Variants in KCNH7 observed in about 807,000 individuals in gnomAD.
The protein encoded by KCNH7 is voltage-gated inwardly rectifying potassium channel KCNH7.
A neutral mutation model predicts 120.8 loss-of-function variants in KCNH7; 49 were observed. The ratio of observed to expected loss-of-function variants is 0.41; its 90% confidence interval spans 0.32 to 0.51. KCNH7 has a LOEUF of 0.51. Ranked by LOEUF, KCNH7 falls within the 20% of genes least tolerant of loss-of-function variation. The pLI is 0.38. For missense variants in KCNH7, 1,097 were observed against 1,446.6 expected (o/e 0.76, Z 3.92); for synonymous variants, 547 against 516.1 (o/e 1.06, Z -0.81).
chr2:162,657,538 A>G (rs1298238228), intron 2 of KCNH7, among the ~76,000 whole-genome samples: 1 of 152,180 alleles, frequency 6.6e-6, no homozygotes, highest in Non-Finnish European at 1.5e-5. Context: ...TTGCTGAATA[A>G]TATTCCATCG....
chr2:162,644,960 T>C (rs1419061387), intron 2 of KCNH7, among the ~76,000 whole-genome samples: 1 of 152,168 alleles, frequency 6.6e-6, no homozygotes, highest in South Asian at 2.1e-4. Context: ...AATATATGTG[T>C]GTGTGTATAT....
intron 6 of KCNH7, among the ~76,000 whole-genome samples, chr2:162,449,597 A>G (rs1372412416): frequency 6.6e-6 from 1 of 152,046 alleles, no homozygotes; most frequent in Non-Finnish European, 1.5e-5. Flanking sequence ...AGAGACAGAA[A>G]GACACACAAC....
At chr2:162,488,294 A>C (rs1370041130) in intron 6 of KCNH7, among the ~76,000 whole-genome samples, 1 of 152,176 alleles carries the variant, frequency 6.6e-6, no homozygotes, top group African/African-American at 2.4e-5. Flanking sequence ...AGCTACTTTC[A>C]ACCTGATTTT....
At chr2:162,677,278 A>T (rs1574254303) in intron 2 of KCNH7, among the ~76,000 whole-genome samples, 1 of 151,608 alleles carries the variant, frequency 6.6e-6, no homozygotes, top group Middle Eastern at 3.4e-3. Flanking sequence ...TAAACATTTT[A>T]TTAAAGTGTA....
At chr2:162,580,628 C>A (rs1693835081) in intron 2 of KCNH7, among the ~76,000 whole-genome samples, 1 of 152,030 alleles carries the variant, frequency 6.6e-6, no homozygotes, top group Non-Finnish European at 1.5e-5. Flanking sequence ...AAAGGAGGTT[C>A]CCTCTGAATA....
chr2:162,504,381 G>A, intron 6 of KCNH7, 62 bp downstream of exon 6: 3 of 1,232,182 alleles, frequency 2.4e-6, no homozygotes, highest in East Asian at 2.3e-5. Flanking sequence ...AAAAGAATAT[G>A]TTTCATGGTG....
In KCNH7 at chr2:162,384,676, ACT is replaced by A. The variant is rs1686522987; in HGVS notation, c.2962+10_2962+11del. On this transcript the variant is annotated intron_variant, in intron 13 of 15. Coordinates refer to ENST00000332142, the MANE Select transcript of KCNH7 (RefSeq NM_033272.4). ...CTGAAGAGAGACCACCTGATGTCTA[ACT>A]CTGGATTACCTTTGCAAGAGTGACT... 1 of 1,610,910 alleles carries A rather than the reference ACT, an allele frequency of 6.2e-7. No homozygotes were observed. Among genetic ancestry groups the A allele is most frequent in the Non-Finnish European group, 8.5e-7 (1 of 1,178,316 alleles).
intron 2 of KCNH7, among the ~76,000 whole-genome samples, chr2:162,572,857 T>C (rs549868633): frequency 6.6e-6 from 1 of 151,140 alleles, no homozygotes; most frequent in African/African-American, 2.4e-5. Flanking sequence ...TGAGAACACA[T>C]GGACACCGGA....
At chr2:162,519,909 C>T (rs1001847480) in intron 3 of KCNH7, among the ~76,000 whole-genome samples, 6 of 151,756 alleles carry the variant, frequency 4.0e-5, no homozygotes, top group Non-Finnish European at 1.5e-5. Flanking sequence ...GAAGAACACT[C>T]TCAAAACTCA....
chr2:162,475,196 C>T (rs144475481), intron 6 of KCNH7, among the ~76,000 whole-genome samples: 9 of 152,062 alleles, frequency 5.9e-5, no homozygotes, highest in African/African-American at 1.4e-4. Flanking sequence ...ATACATGTGG[C>T]GAATGACACT....
chr2:162,605,621 T>C (rs1682729510), intron 2 of KCNH7, among the ~76,000 whole-genome samples: 1 of 152,124 alleles, frequency 6.6e-6, no homozygotes, highest in African/African-American at 2.4e-5. Context: ...TTTGAAAGAC[T>C]TTTCTTGTTT....
rs776827986 is a variant in KCNH7 at position 162,384,729 on chromosome 2, G to A, written c.2921C>T (p.Ser974Leu). 2 of 1,612,630 alleles carry A rather than the reference G, an allele frequency of 1.2e-6. No individual in the cohort carries two copies. The highest frequency in any genetic ancestry group is 2.2e-5 in the East Asian group (1 of 44,806). Residue 974 changes from serine to leucine, a missense_variant, in exon 13 of 16, where the codon TCA becomes TTA. Around this residue, in one of 8 missense-constraint regions of KCNH7, gnomAD observed 406 missense variants for 410.5 expected, o/e 0.99. Coordinates refer to ENST00000332142, the MANE Select transcript of KCNH7 (RefSeq NM_033272.4). ...GLDFEETVPT[S>L]GRMHIDKRSH... ...TCTTTTATCTATGTGCATTCTTCCTGAGGTGGGCACTGTTTCTTCAAAATC... is the reference window on the plus strand; with the variant it reads ...TCTTTTATCTATGTGCATTCTTCCTAAGGTGGGCACTGTTTCTTCAAAATC...
chr2:162,670,389 G>A (rs1464593648), intron 2 of KCNH7, among the ~76,000 whole-genome samples: 3 of 139,062 alleles, frequency 2.2e-5, no homozygotes, highest in South Asian at 2.3e-4. Context: ...CAAGAGAGTC[G>A]CTTAAACCCG....
intron 2 of KCNH7, among the ~76,000 whole-genome samples, chr2:162,777,277 T>A (rs2105484635): frequency 6.6e-6 from 1 of 152,276 alleles, no homozygotes; most frequent in East Asian, 1.9e-4. Flanking sequence ...CCTAGGCATA[T>A]CCTGCTGTTT....
At chr2:162,766,691 G>A (rs926015766) in intron 2 of KCNH7, among the ~76,000 whole-genome samples, 4 of 152,028 alleles carry the variant, frequency 2.6e-5, no homozygotes, top group African/African-American at 7.2e-5. Context: ...ACCATTTTAC[G>A]TCCAGGGATT....
At chr2:162,653,538 A>G (rs1044676509) in intron 2 of KCNH7, among the ~76,000 whole-genome samples, 2 of 152,192 alleles carry the variant, frequency 1.3e-5, no homozygotes, top group African/African-American at 4.8e-5. Flanking sequence ...TGAAATCTAT[A>G]AAACACTGAT....
chr2:162,403,034 A>G (rs1687109640), intron 9 of KCNH7, among the ~76,000 whole-genome samples: 1 of 151,958 alleles, frequency 6.6e-6, no homozygotes, highest in Non-Finnish European at 1.5e-5. Flanking sequence ...GGAAAGCTAA[A>G]TTAATAACAT....
intron 2 of KCNH7, among the ~76,000 whole-genome samples, chr2:162,749,365 C>T (rs549051884): frequency 1.2e-4 from 18 of 152,002 alleles, no homozygotes; most frequent in Admixed American, 3.9e-4. Flanking sequence ...ATTTCTGGAG[C>T]GCAAATTAAA....
chr2:162,625,693 A>C (rs1254070424), intron 2 of KCNH7, among the ~76,000 whole-genome samples: 2 of 152,176 alleles, frequency 1.3e-5, no homozygotes, highest in African/African-American at 4.8e-5. Context: ...AGTATTTGTT[A>C]TGCAGGTAGG....
Sources: gnomAD v4.1 joint callset for allele counts (sites outside exome capture counted in the v4.1 genomes callset) on GRCh38, gnomAD v4.1.1 for gene constraint, gnomAD v4.1.1 regional missense constraint, MANE v1.5 for transcripts, NCBI Gene and HGNC (gene_info 2026-07-23, HGNC 2026-07-21) for gene names.